DAB1: variants seen among roughly 807,000 people sequenced by gnomAD.
DAB1 encodes the protein disabled homolog 1.
DAB1 carries 15 observed loss-of-function variants against 64.6 expected under a neutral mutation model. That is an observed-to-expected ratio of 0.23 (90% CI 0.16 to 0.36). DAB1 has a LOEUF of 0.36. Ranked by LOEUF, DAB1 falls within the 10% of genes least tolerant of loss-of-function variation. The pLI is 1.00. For missense variants in DAB1, 596 were observed against 706.7 expected (o/e 0.84, Z 1.78); for synonymous variants, 235 against 251.9 (o/e 0.93, Z 0.64).
chr1:58,043,676 A>G (rs951389524), intron 5 of DAB1, among the ~76,000 whole-genome samples: 1 of 152,288 alleles, frequency 6.6e-6, no homozygotes, highest in Admixed American at 6.5e-5. Flanking sequence ...TGAGATCACT[A>G]TTGTGCCATG....
chr1:58,420,183 T>TAAAAGAATTTCACAG (rs773369905), intron 3 of DAB1, among the ~76,000 whole-genome samples: 1 of 152,154 alleles, frequency 6.6e-6, no homozygotes, highest in Non-Finnish European at 1.5e-5. Flanking sequence ...TTGTTGTTGT[T>TAAAAGAATTTCACAG]AAAAGAATTT....
At chr1:57,781,730 A>G (rs1371816396) in intron 6 of DAB1, among the ~76,000 whole-genome samples, 1 of 143,642 alleles carries the variant, frequency 7.0e-6, no homozygotes, top group Non-Finnish European at 1.5e-5. Flanking sequence ...AAAAAAAAAA[A>G]GCAAAACTGT....
At chr1:57,925,200 AT>A (rs1644862203) in intron 5 of DAB1, among the ~76,000 whole-genome samples, 1 of 152,194 alleles carries the variant, frequency 6.6e-6, no homozygotes, top group African/African-American at 2.4e-5. Flanking sequence ...GCCTATCACC[AT>A]TAGAAGAGTA....
intron 7 of DAB1, among the ~76,000 whole-genome samples, chr1:57,526,915 T>C (rs946540042): frequency 5.3e-5 from 8 of 152,192 alleles, no homozygotes; most frequent in African/African-American, 1.9e-4. Flanking sequence ...AATGACTATA[T>C]TATGAGTATT....
At chr1:58,062,356 G>A (rs1648556136) in intron 5 of DAB1, among the ~76,000 whole-genome samples, 1 of 152,192 alleles carries the variant, frequency 6.6e-6, no homozygotes, top group African/African-American at 2.4e-5. Flanking sequence ...TCTCACTACA[G>A]CTTTGCCAGG....
At chr1:57,065,597 C>T (rs1650826534) in intron 8 of DAB1, among the ~76,000 whole-genome samples, 1 of 152,206 alleles carries the variant, frequency 6.6e-6, no homozygotes, top group African/African-American at 2.4e-5. Context: ...AATCGCCAAG[C>T]ATTCAGCCCA....
intron 1 of DAB1, among the ~76,000 whole-genome samples, chr1:57,326,702 C>A (rs904487827): frequency 6.6e-6 from 1 of 152,170 alleles, no homozygotes; most frequent in Non-Finnish European, 1.5e-5. Flanking sequence ...CAGTCACTTT[C>A]TTCCGGTATC....
intron 6 of DAB1, among the ~76,000 whole-genome samples, chr1:57,808,226 C>A (rs888332584): frequency 3.3e-5 from 5 of 151,658 alleles, no homozygotes; most frequent in African/African-American, 9.7e-5. Context: ...CACACACATA[C>A]CCCTGAGCCT....
intron 7 of DAB1, among the ~76,000 whole-genome samples, chr1:57,607,248 A>ATAC (rs1283997526): frequency 6.6e-6 from 1 of 152,204 alleles, no homozygotes; most frequent in Non-Finnish European, 1.5e-5. Flanking sequence ...ATGTGTGCAT[A>ATAC]TACTGGGTCA....
chr1:57,523,993 A>G lies in DAB1; in HGVS notation n.625+125599T>C, dbSNP rs535315578. Among the ~76,000 whole-genome samples, 7 of 152,320 alleles carry G rather than the reference A, an allele frequency of 4.6e-5. No individual in the cohort carries two copies. In the South Asian group the frequency reaches 6.2e-4, roughly 14 times the overall value. ...ATGAGTTCTATAAATGAAAAGCATG[A>G]TCACTTAAATTTTAAACAAATATAT... On this transcript the variant is annotated intron_variant and non_coding_transcript_variant, in intron 7 of 20. Coordinates refer to the DAB1 transcript ENST00000485760.
At chr1:57,919,156 A>C (rs1644774334) in intron 5 of DAB1, among the ~76,000 whole-genome samples, 1 of 152,192 alleles carries the variant, frequency 6.6e-6, no homozygotes, top group Non-Finnish European at 1.5e-5. Flanking sequence ...CCACCTGGAA[A>C]TTGTGGTAAA....
chr1:58,391,148 A>G (rs956346342), intron 3 of DAB1, among the ~76,000 whole-genome samples: 2 of 152,234 alleles, frequency 1.3e-5, no homozygotes, highest in African/African-American at 4.8e-5. Flanking sequence ...AACCCAGAGT[A>G]GTATAGCAGG....
rs1650061860 is a variant in DAB1 at position 57,058,517 on chromosome 1, T to C, written c.723+4367A>G. ...TACTGTAATGAGGACATGAATATGA[T>C]ATGATTCCTGTCCTCAACGGACTTA... On this transcript the variant is annotated intron_variant, in intron 9 of 14. Coordinates refer to ENST00000371236, the MANE Select transcript of DAB1 (RefSeq NM_001365792.1). Among the ~76,000 whole-genome samples the C allele has an allele frequency of 2.6e-5, 4 of 152,254 alleles. No homozygotes were observed. In the South Asian group the frequency reaches 8.3e-4, roughly 31 times the overall value.
At chr1:57,626,448 T>A (rs1490310037) in intron 7 of DAB1, among the ~76,000 whole-genome samples, 3 of 152,164 alleles carry the variant, frequency 2.0e-5, no homozygotes, top group Non-Finnish European at 2.9e-5. Flanking sequence ...TGTCTAGAGA[T>A]CTAACTGCAG....
intron 5 of DAB1, among the ~76,000 whole-genome samples, chr1:57,947,124 C>T (rs1189182650): frequency 6.6e-6 from 1 of 152,102 alleles, no homozygotes; most frequent in Non-Finnish European, 1.5e-5. Flanking sequence ...ACCATTACCC[C>T]TGTCAAAATA....
At chr1:58,099,085 G>T (rs1391357915) in intron 5 of DAB1, among the ~76,000 whole-genome samples, 1 of 152,154 alleles carries the variant, frequency 6.6e-6, no homozygotes, top group East Asian at 1.9e-4. Flanking sequence ...AGTAAGACTG[G>T]AAATATTTCA....
intron 5 of DAB1, among the ~76,000 whole-genome samples, chr1:58,116,006 T>A (rs1206344851): frequency 6.6e-6 from 1 of 151,138 alleles, no homozygotes; most frequent in East Asian, 1.9e-4. Context: ...AAAATTAATA[T>A]TAAACAATTC....
chr1:57,758,538 A>G (rs1045595635), intron 6 of DAB1, among the ~76,000 whole-genome samples: 1 of 152,222 alleles, frequency 6.6e-6, no homozygotes, highest in African/African-American at 2.4e-5. Flanking sequence ...CCAGAATCAC[A>G]GATGAGGTGT....
chr1:57,467,318 T>C (rs1246101082), intron 7 of DAB1, among the ~76,000 whole-genome samples: 1 of 152,182 alleles, frequency 6.6e-6, no homozygotes, highest in Non-Finnish European at 1.5e-5. Context: ...GCTTAATATA[T>C]AATATGAGTT....
Sources: allele counts gnomAD v4.1 joint callset (sites outside exome capture counted in the v4.1 genomes callset), GRCh38; gene constraint gnomAD v4.1.1; transcripts MANE v1.5; gene names NCBI Gene and HGNC (gene_info 2026-07-23, HGNC 2026-07-21).